PRKD1: variants seen among roughly 807,000 people sequenced by gnomAD.
PRKD1 encodes the protein protein kinase D1, also known as serine/threonine-protein kinase D1.
Under a neutral mutation model 95.9 loss-of-function variants are expected in PRKD1, and 63 were observed. The observed-to-expected ratio is 0.66, with a 90% CI of 0.54 to 0.81. The LOEUF is 0.81. Among genes scored for constraint, PRKD1 ranks in the 30% least tolerant of loss-of-function variants. PRKD1 has a pLI of 0.00. For missense variants in PRKD1, 1,048 were observed against 1,165.3 expected, an observed-to-expected ratio of 0.90 and a Z score of 1.47; for synonymous variants, 425 against 423.1, an observed-to-expected ratio of 1.00 and a Z score of -0.05.
chr14:29,905,108 G>A (rs1377553722), intron 1 of PRKD1, among the ~76,000 whole-genome samples: 1 of 152,186 alleles, frequency 6.6e-6, no homozygotes, highest in Non-Finnish European at 1.5e-5. Context: ...ACGGTTGCAT[G>A]CTACAGGCTG....
chr14:29,739,124 C>T (rs1041157787), intron 1 of PRKD1, among the ~76,000 whole-genome samples: 1 of 152,222 alleles, frequency 6.6e-6, no homozygotes, highest in Admixed American at 6.5e-5. Context: ...GCATGAGCCA[C>T]TGTGTGGCCC....
rs45626133 is a variant in PRKD1 at position 29,870,015 on chromosome 14, C to T, written c.264+57234G>A. Among the ~76,000 whole-genome samples the T allele has an allele frequency of 4.0e-3, 611 of 152,244 alleles. 5 individuals are homozygous for T. The highest frequency in any genetic ancestry group is 0.014 in the African/African-American group (575 of 41,536). On this transcript the variant is annotated intron_variant, in intron 1 of 17. Transcript: ENST00000331968. ...CCTTCAATATGGTTAACTTATGGCT[C>T]CACAGTCATCAACTCCAGCTGATTT...
chr14:29,631,121 G>A (rs1879979375), intron 9 of PRKD1, 100 bp from the exon 10 acceptor site: 4 of 1,128,676 alleles, frequency 3.5e-6, no homozygotes, highest in South Asian at 1.6e-5. Context: ...ATCACAAATA[G>A]CCACCATTTA....
chr14:29,742,369 C>T (rs560495798), intron 1 of PRKD1, among the ~76,000 whole-genome samples: 16 of 152,226 alleles, frequency 1.1e-4, no homozygotes, highest in African/African-American at 2.9e-4. Context: ...ATTTTGGACT[C>T]GCCTACAAAG....
chr14:29,602,670 C>T (rs753970581), intron 13 of PRKD1, among the ~76,000 whole-genome samples: 20 of 151,996 alleles, frequency 1.3e-4, no homozygotes, highest in Non-Finnish European at 4.4e-5. Context: ...TTGAAGTGAT[C>T]CGCCCACCTT....
chr14:29,890,348 C>T (rs8014453), intron 1 of PRKD1, among the ~76,000 whole-genome samples: 3 of 151,912 alleles, frequency 2.0e-5, no homozygotes, highest in African/African-American at 4.8e-5. Flanking sequence ...TAATTTCTAT[C>T]CCCAATTCCT....
intron 1 of PRKD1, among the ~76,000 whole-genome samples, chr14:29,842,658 T>C (rs1433287729): frequency 6.6e-6 from 1 of 152,236 alleles, no homozygotes; most frequent in African/African-American, 2.4e-5. Flanking sequence ...CAAACTGTCA[T>C]ACTGTTCTGG....
At chr14:29,815,724 A>G (rs1245369802) in intron 1 of PRKD1, among the ~76,000 whole-genome samples, 1 of 152,202 alleles carries the variant, frequency 6.6e-6, no homozygotes, top group Non-Finnish European at 1.5e-5. Context: ...AAACACTTCC[A>G]ACTGTGTTTC....
intron 1 of PRKD1, among the ~76,000 whole-genome samples, chr14:29,865,106 G>A (rs761182545): frequency 7.9e-5 from 12 of 152,186 alleles, no homozygotes; most frequent in South Asian, 4.2e-4. Context: ...ATTATCAATT[G>A]GTCAGGAAAA....
At chr14:29,768,835 G>A (rs114042118) in intron 1 of PRKD1, among the ~76,000 whole-genome samples, 2,452 of 152,094 alleles carry the variant, frequency 0.016, 68 homozygotes, top group African/African-American at 0.052. Context: ...TCTGAAACTG[G>A]GTTCAAAAGC....
intron 2 of PRKD1, among the ~76,000 whole-genome samples, chr14:29,686,042 C>T (rs545277327): frequency 2.4e-4 from 36 of 152,246 alleles, no homozygotes; most frequent in African/African-American, 7.2e-4. Context: ...AGACACGATG[C>T]CGTTTTGGAT....
At chr14:29,779,509 C>T (rs1273130446) in intron 1 of PRKD1, among the ~76,000 whole-genome samples, 1 of 151,830 alleles carries the variant, frequency 6.6e-6, no homozygotes, top group South Asian at 2.1e-4. Context: ...AAACAGAGAG[C>T]CAAATCATGA....
intron 1 of PRKD1, 115 bp downstream of exon 1, chr14:29,927,134 A>G: frequency 1.8e-6 from 2 of 1,137,352 alleles, no homozygotes; most frequent in Non-Finnish European, 2.2e-6. Context: ...AGCGCCGGCG[A>G]GGCTGGCGGC....
chr14:29,728,274 T>A (rs1886263029), intron 1 of PRKD1, among the ~76,000 whole-genome samples: 1 of 152,210 alleles, frequency 6.6e-6, no homozygotes, highest in Non-Finnish European at 1.5e-5. Flanking sequence ...TGCACTATTT[T>A]AAAAATCAAC....
chr14:29,775,172 C>A (rs1352834688), intron 1 of PRKD1, among the ~76,000 whole-genome samples: 1 of 152,086 alleles, frequency 6.6e-6, no homozygotes. Context: ...CGAGAGGTTC[C>A]AAGATGGCCG....
At chr14:29,646,281 G>A (rs1378689633) in intron 4 of PRKD1, among the ~76,000 whole-genome samples, 2 of 151,826 alleles carry the variant, frequency 1.3e-5, no homozygotes, top group Admixed American at 6.6e-5. Flanking sequence ...GTTAATGGGT[G>A]CAAAAAAATA....
At chr14:29,856,378 G>T (rs1380971484) in intron 1 of PRKD1, among the ~76,000 whole-genome samples, 1 of 152,098 alleles carries the variant, frequency 6.6e-6, no homozygotes, top group African/African-American at 2.4e-5. Context: ...ATAACTGATT[G>T]TACAACCACA....
intron 2 of PRKD1, among the ~76,000 whole-genome samples, chr14:29,703,527 A>G (rs1884938934): frequency 6.6e-6 from 1 of 152,192 alleles, no homozygotes; most frequent in African/African-American, 2.4e-5. Context: ...CTTCTTTGGG[A>G]AAGAAATAAC....
At chr14:29,921,762 G>A (rs1364257364) in intron 1 of PRKD1, among the ~76,000 whole-genome samples, 1 of 152,112 alleles carries the variant, frequency 6.6e-6, no homozygotes, top group Non-Finnish European at 1.5e-5. Flanking sequence ...ATGGTCTTCT[G>A]GGGCAAGTTT....
Sources: gnomAD v4.1 joint callset for allele counts (sites outside exome capture counted in the v4.1 genomes callset) on GRCh38, gnomAD v4.1.1 for gene constraint, MANE v1.5 for transcripts, NCBI Gene and HGNC (gene_info 2026-07-23, HGNC 2026-07-21) for gene names.